The following NRXN3 variants were observed in gnomAD, a reference collection of about 807,000 sequenced individuals.
NRXN3 encodes neurexin 3, also known as neurexin III.
A neutral mutation model predicts 137.6 loss-of-function variants in NRXN3; 32 were observed. That is an observed-to-expected ratio of 0.23 (90% CI 0.18 to 0.31). NRXN3 has a LOEUF of 0.31. Among genes scored for constraint, NRXN3 ranks in the 10% least tolerant of loss-of-function variants. The pLI is 1.00. For synonymous variants in NRXN3, 798 were observed against 784.5 expected, an observed-to-expected ratio of 1.02 and a Z score of -0.29; for missense variants, 1,574 against 2,062.5, an observed-to-expected ratio of 0.76 and a Z score of 4.59.
chr14:79,332,569 T>C (rs2091849809), intron 15 of NRXN3, among the ~76,000 whole-genome samples: 1 of 152,224 alleles, frequency 6.6e-6, no homozygotes, highest in African/African-American at 2.4e-5. Flanking sequence ...ATTGATTCTG[T>C]CATTCAGAAA....
intron 4 of NRXN3, among the ~76,000 whole-genome samples, chr14:78,397,009 T>A (rs1157414603): frequency 6.6e-6 from 1 of 152,174 alleles, no homozygotes; most frequent in Non-Finnish European, 1.5e-5. Context: ...GACCCTACCC[T>A]TATGACCTCA....
intron 15 of NRXN3, among the ~76,000 whole-genome samples, chr14:78,991,820 A>G (rs946654671): frequency 9.9e-5 from 15 of 152,168 alleles, no homozygotes; most frequent in South Asian, 2.1e-4. Context: ...GTGCTGTTAC[A>G]TAGATGTTGC....
intron 4 of NRXN3, among the ~76,000 whole-genome samples, chr14:78,382,668 A>G (rs537627505): frequency 6.6e-6 from 1 of 152,170 alleles, no homozygotes; most frequent in Admixed American, 6.5e-5. Context: ...AGATCCCGCT[A>G]TCCATTTTCT....
chr14:79,854,067 T>C, intron 20 of NRXN3: 1 of 984,820 alleles, frequency 1.0e-6, no homozygotes, highest in Non-Finnish European at 1.2e-6. Context: ...TTTGAAAAAT[T>C]AGACATTTTG....
At chr14:79,841,513 C>T (rs1276147643) in intron 20 of NRXN3, among the ~76,000 whole-genome samples, 2 of 152,122 alleles carry the variant, frequency 1.3e-5, no homozygotes, top group East Asian at 1.9e-4. Flanking sequence ...AATCATAAAG[C>T]GTAATGGTAT....
intron 19 of NRXN3, among the ~76,000 whole-genome samples, chr14:79,763,408 C>CATTCTATATTTATACATT (rs1420402516): frequency 4.4e-5 from 3 of 67,914 alleles, no homozygotes; most frequent in South Asian, 4.8e-4. Flanking sequence ...GATTTATAAT[C>CATTCTATATTTATACATT]CTTTGGGTAT....
At chr14:78,501,028 T>C (rs971351587) in intron 4 of NRXN3, among the ~76,000 whole-genome samples, 1 of 152,214 alleles carries the variant, frequency 6.6e-6, no homozygotes, top group African/African-American at 2.4e-5. Context: ...GCCTTTCTTA[T>C]TGCCCCACTC....
At chr14:79,482,512 A>C (rs887775765) in intron 16 of NRXN3, among the ~76,000 whole-genome samples, 3 of 152,168 alleles carry the variant, frequency 2.0e-5, no homozygotes, top group Non-Finnish European at 2.9e-5. Flanking sequence ...ACCAAAAGAA[A>C]ATAACAAAAA....
At chr14:78,824,008 T>G (rs938794730) in intron 10 of NRXN3, among the ~76,000 whole-genome samples, 2 of 151,958 alleles carry the variant, frequency 1.3e-5, no homozygotes, top group African/African-American at 4.8e-5. Context: ...GTGAAACTGA[T>G]TAACTGTCAC....
intron 15 of NRXN3, among the ~76,000 whole-genome samples, chr14:79,338,075 A>G (rs188186837): frequency 4.3e-4 from 66 of 152,104 alleles, no homozygotes; most frequent in South Asian, 1.7e-3. Context: ...AGCTGTGAGG[A>G]TTGTAACAAT....
intron 15 of NRXN3, among the ~76,000 whole-genome samples, chr14:78,988,623 G>A (rs915880723): frequency 4.6e-5 from 7 of 152,140 alleles, no homozygotes; most frequent in African/African-American, 1.7e-4. Flanking sequence ...AAATGACAAA[G>A]ACATTCAAGA....
At chr14:78,866,861 G>A (rs191726646) in intron 10 of NRXN3, among the ~76,000 whole-genome samples, 2 of 145,038 alleles carry the variant, frequency 1.4e-5, no homozygotes, top group African/African-American at 2.6e-5. Context: ...ACAGTGGCAC[G>A]GTCTCGGCTC....
chr14:78,928,028 A>T lies in NRXN3; in HGVS notation c.2276-29214A>T, dbSNP rs146808077. Among the ~76,000 whole-genome samples, 659 of 152,276 alleles carry T rather than the reference A, an allele frequency of 4.3e-3. 5 individuals are homozygous for T. Among genetic ancestry groups the T allele is most frequent in the African/African-American group, 0.015 (621 of 41,568 alleles). Reference sequence around the variant, plus strand: ...ACAGCTTCCTTGTCCCTTGGAGATGATTCTCAGACATATTCCACAATCTCT... The same window carrying T: ...ACAGCTTCCTTGTCCCTTGGAGATGTTTCTCAGACATATTCCACAATCTCT... On this transcript the variant is annotated intron_variant, in intron 10 of 20. Transcript: ENST00000335750.
chr14:79,575,524 G>T (rs1376338796), intron 16 of NRXN3, among the ~76,000 whole-genome samples: 1 of 152,148 alleles, frequency 6.6e-6, no homozygotes, highest in Non-Finnish European at 1.5e-5. Context: ...AATAACTGAA[G>T]AAAGGCTCTA....
At chr14:79,673,540 A>G (rs1213599846) in intron 17 of NRXN3, among the ~76,000 whole-genome samples, 2 of 152,092 alleles carry the variant, frequency 1.3e-5, no homozygotes, top group African/African-American at 2.4e-5. Flanking sequence ...CTTTTTACTA[A>G]CTGCTGTTGC....
intron 16 of NRXN3, among the ~76,000 whole-genome samples, chr14:79,545,001 T>C (rs2097305886): frequency 6.6e-6 from 1 of 152,228 alleles, no homozygotes; most frequent in South Asian, 2.1e-4. Context: ...GTCTTACCAG[T>C]GAGCTATAGT....
At chr14:78,182,404 A>G (rs2059891136) in intron 1 of NRXN3, among the ~76,000 whole-genome samples, 2 of 152,012 alleles carry the variant, frequency 1.3e-5, no homozygotes, top group South Asian at 4.2e-4. Flanking sequence ...GAAATTAGGA[A>G]AGTACTGATA....
At chr14:78,198,499 T>G (rs915206619) in intron 1 of NRXN3, among the ~76,000 whole-genome samples, 1 of 152,126 alleles carries the variant, frequency 6.6e-6, no homozygotes, top group East Asian at 1.9e-4. Flanking sequence ...GAGTTGAAGT[T>G]AGGAGATGGT....
intron 1 of NRXN3, among the ~76,000 whole-genome samples, chr14:78,238,813 G>A (rs2066692105): frequency 6.6e-6 from 1 of 152,200 alleles, no homozygotes; most frequent in South Asian, 2.1e-4. Flanking sequence ...TGCTGGTCTG[G>A]GCTGGAGGGG....
Sources: gnomAD v4.1 joint callset for allele counts (sites outside exome capture counted in the v4.1 genomes callset) on GRCh38, gnomAD v4.1.1 for gene constraint, MANE v1.5 for transcripts, NCBI Gene and HGNC (gene_info 2026-07-23, HGNC 2026-07-21) for gene names.